Variants in PCDH7 observed in about 807,000 individuals in gnomAD.
The protein encoded by PCDH7 is protocadherin 7.
Under a neutral mutation model 58.9 loss-of-function variants are expected in PCDH7, and 17 were observed. The ratio of observed to expected loss-of-function variants is 0.29; its 90% CI spans 0.20 to 0.43. PCDH7 has a LOEUF of 0.43. PCDH7 is among the 20% of genes least tolerant of loss of function. The pLI is 1.00. For synonymous variants in PCDH7, 664 were observed against 616.4 expected (o/e 1.08, Z -1.14); for missense variants, 1,274 against 1,441.0 (o/e 0.88, Z 1.88).
At chr4:30,842,839 G>A (rs746293683) in intron 1 of PCDH7, among the ~76,000 whole-genome samples, 4 of 152,160 alleles carry the variant, frequency 2.6e-5, no homozygotes, top group Non-Finnish European at 4.4e-5. Context: ...CAGGGGGCAC[G>A]TTGGATAGAG....
chr4:31,063,676 T>A (rs1757864355), intron 3 of PCDH7, among the ~76,000 whole-genome samples: 1 of 151,934 alleles, frequency 6.6e-6, no homozygotes, highest in Non-Finnish European at 1.5e-5. Flanking sequence ...TCTTGTCTTC[T>A]TTATAATAAG....
chr4:30,797,232 G>A (rs755565038), intron 1 of PCDH7, among the ~76,000 whole-genome samples: 2 of 149,492 alleles, frequency 1.3e-5, no homozygotes, highest in Non-Finnish European at 3.0e-5. Flanking sequence ...CACCAGGCCC[G>A]ACCACTTCCT....
chr4:30,753,191 A>C (rs1363954246), intron 1 of PCDH7, among the ~76,000 whole-genome samples: 1 of 152,194 alleles, frequency 6.6e-6, no homozygotes, highest in African/African-American at 2.4e-5. Flanking sequence ...ACAAGGTCAG[A>C]GTATTTCTCT....
chr4:30,841,405 C>T (rs1354012172), intron 1 of PCDH7, among the ~76,000 whole-genome samples: 1 of 152,124 alleles, frequency 6.6e-6, no homozygotes, highest in Non-Finnish European at 1.5e-5. Context: ...CTCTGCCATT[C>T]TTGTTCTGTA....
At chr4:30,749,553 G>T (rs1445892969) in intron 1 of PCDH7, among the ~76,000 whole-genome samples, 3 of 151,966 alleles carry the variant, frequency 2.0e-5, no homozygotes, top group Non-Finnish European at 4.4e-5. Flanking sequence ...CTGTAGAAGA[G>T]GTTCAGAATA....
intron 1 of PCDH7, among the ~76,000 whole-genome samples, chr4:30,761,764 T>C (rs1720059921): frequency 6.6e-6 from 1 of 152,232 alleles, no homozygotes; most frequent in South Asian, 2.1e-4. Flanking sequence ...TGTGTTGTCA[T>C]GTGCTAAGTT....
intron 1 of PCDH7, among the ~76,000 whole-genome samples, chr4:30,870,361 T>C (rs1219279674): frequency 6.6e-6 from 1 of 152,170 alleles, no homozygotes. Context: ...TCTTTGCCCA[T>C]GCCTATGTCC....
intron 3 of PCDH7, among the ~76,000 whole-genome samples, chr4:30,975,715 T>C (rs144088689): frequency 1.1e-3 from 173 of 152,310 alleles, no homozygotes; most frequent in African/African-American, 4.1e-3. Context: ...ACAAGCATAG[T>C]AAAAATAAAT....
intron 1 of PCDH7, among the ~76,000 whole-genome samples, chr4:30,899,617 C>A (rs1279694590): frequency 6.6e-6 from 1 of 152,194 alleles, no homozygotes; most frequent in East Asian, 1.9e-4. Flanking sequence ...TCTAAGAGAT[C>A]CTTTTGGGTT....
intron 3 of PCDH7, among the ~76,000 whole-genome samples, chr4:31,095,675 G>C (rs1269091712): frequency 6.6e-6 from 1 of 152,142 alleles, no homozygotes; most frequent in African/African-American, 2.4e-5. Context: ...GATGGATGAG[G>C]CTTGGGAGTG....
chr4:30,850,142 T>C (rs1459433657), intron 1 of PCDH7, among the ~76,000 whole-genome samples: 1 of 152,160 alleles, frequency 6.6e-6, no homozygotes, highest in Non-Finnish European at 1.5e-5. Flanking sequence ...TTATTACAAG[T>C]ACAACTGAAT....
chr4:30,963,575 TA>T (rs1209032356), intron 3 of PCDH7, among the ~76,000 whole-genome samples: 1 of 100,370 alleles, frequency 1.0e-5, no homozygotes, highest in African/African-American at 5.8e-5. Flanking sequence ...ACCTGCTAGT[TA>T]TGTTTTTTCT....
chr4:31,010,340 C>T (rs1049686919), intron 3 of PCDH7, among the ~76,000 whole-genome samples: 4 of 151,860 alleles, frequency 2.6e-5, no homozygotes, highest in Non-Finnish European at 5.9e-5. Context: ...AGGCCTGAGG[C>T]AGTTATTAAT....
chr4:30,881,489 A>G (rs2109371293), intron 1 of PCDH7, among the ~76,000 whole-genome samples: 1 of 152,320 alleles, frequency 6.6e-6, no homozygotes, highest in Middle Eastern at 3.4e-3. Context: ...TACAGCAACC[A>G]GAGATCATTG....
At chr4:31,008,346 G>A (rs1752939282) in intron 3 of PCDH7, among the ~76,000 whole-genome samples, 1 of 152,072 alleles carries the variant, frequency 6.6e-6, no homozygotes, top group African/African-American at 2.4e-5. Context: ...ATTAACTTAA[G>A]AATGATATGA....
At chr4:30,882,871 CTG>C in intron 1 of PCDH7, among the ~76,000 whole-genome samples, 1 of 152,298 alleles carries the variant, frequency 6.6e-6, no homozygotes, top group East Asian at 1.9e-4. Flanking sequence ...CTTCATAGAT[CTG>C]TGTTAACCTT....
chr4:30,788,672 A>G (rs1196560300), intron 1 of PCDH7, among the ~76,000 whole-genome samples: 2 of 152,054 alleles, frequency 1.3e-5, no homozygotes, highest in Non-Finnish European at 2.9e-5. Context: ...ACGAATGGAG[A>G]GAAAAGAGTT....
chr4:30,990,422 T>C (rs1751370581), intron 3 of PCDH7, among the ~76,000 whole-genome samples: 1 of 152,156 alleles, frequency 6.6e-6, no homozygotes, highest in Non-Finnish European at 1.5e-5. Context: ...ACTATGATTT[T>C]GCATTAATAC....
intron 1 of PCDH7, among the ~76,000 whole-genome samples, chr4:30,831,961 G>A (rs977937670): frequency 2.6e-5 from 4 of 152,044 alleles, no homozygotes; most frequent in African/African-American, 7.2e-5. Context: ...CATTTTTAAT[G>A]TATGGCCACC....
Sources: gnomAD v4.1 joint callset for allele counts (sites outside exome capture counted in the v4.1 genomes callset) on GRCh38, gnomAD v4.1.1 for gene constraint, MANE v1.5 for transcripts, NCBI Gene and HGNC (gene_info 2026-07-23, HGNC 2026-07-21) for gene names.